Variants in RILPL1 observed in about 807,000 individuals in gnomAD.
RILPL1 encodes the protein Rab interacting lysosomal protein like 1.
RILPL1 carries 33 observed loss-of-function variants against 50.3 expected under a neutral mutation model. The observed-to-expected ratio is 0.66, with a 90% CI of 0.50 to 0.88. RILPL1 has a LOEUF of 0.88. RILPL1 is among the 40% of genes least tolerant of loss of function. RILPL1 has a pLI of 0.00. For missense variants in RILPL1, 418 were observed against 542.5 expected (o/e 0.77, Z 2.28); for synonymous variants, 205 against 228.6 (o/e 0.90, Z 0.93).
chr12:123,494,278 C>T (rs1882891294), intron 4 of RILPL1, among the ~76,000 whole-genome samples: 1 of 152,224 alleles, frequency 6.6e-6, no homozygotes, highest in South Asian at 2.1e-4. Flanking sequence ...CTGCAGCTCC[C>T]CTGTGTGACT....
At chr12:123,502,545 G>A (rs1272777378) in intron 2 of RILPL1, among the ~76,000 whole-genome samples, 4 of 152,230 alleles carry the variant, frequency 2.6e-5, no homozygotes, top group African/African-American at 4.8e-5. Flanking sequence ...CTGGCACACC[G>A]CAGGCGGGTG....
At chr12:123,505,965 A>G (rs149572391) in intron 2 of RILPL1, among the ~76,000 whole-genome samples, 225 of 152,306 alleles carry the variant, frequency 1.5e-3, no homozygotes, top group Middle Eastern at 3.4e-3. Context: ...CATGACACCG[A>G]ACTAGTCATG....
At chr12:123,510,281 G>A (rs1415048673) in intron 2 of RILPL1, among the ~76,000 whole-genome samples, 2 of 152,190 alleles carry the variant, frequency 1.3e-5, no homozygotes, top group African/African-American at 4.8e-5. Flanking sequence ...CACTGCTGCA[G>A]AGCAGTGCTG....
rs1327585508 is a variant in RILPL1, at chr12:123,489,063, A to C, written c.802-3258T>G. ...GTGACGGATATGCGGCCGGCATTCA[A>C]TCGCGCCAGTTCTCCTCTTTCCCTG... On this transcript the variant is annotated intron_variant, in intron 4 of 6. Transcript: ENST00000376874. This position sits in a 1 kb window ranked among gnomAD's most constrained non-coding sequence, Gnocchi z 4.0. Among the ~76,000 whole-genome samples, 1 of 152,152 alleles carries C rather than the reference A, an allele frequency of 6.6e-6. No individual in the cohort carries two copies. The highest frequency in any genetic ancestry group is 1.9e-4 in the East Asian group (1 of 5,196).
In RILPL1 at chr12:123,485,369, G is replaced by A. The variant is rs563771766; in HGVS notation, c.974+264C>T. The stretch of plus-strand genomic sequence containing the variant: ...TCGCTTTGTTGCCCAGGCTAGTCTC[G>A]AATGCCTGGGATCAAGCAATCTTCC... On this transcript the variant is annotated intron_variant, in intron 5 of 6. Coordinates refer to ENST00000376874, the MANE Select transcript of RILPL1 (RefSeq NM_178314.5). This position sits in a 1 kb window ranked among gnomAD's most constrained non-coding sequence, Gnocchi z 4.0. 4.1e-5 allele frequency: 22 copies of A among 538,804 alleles called. No homozygotes were observed. The highest frequency in any genetic ancestry group is 5.6e-5 in the Admixed American group (2 of 35,760). 33.4% of individuals were successfully genotyped at this position (538,804 alleles called of 1,614,324 possible).
chr12:123,531,098 C>A (rs569897050), intron 1 of RILPL1, among the ~76,000 whole-genome samples: 1 of 146,644 alleles, frequency 6.8e-6, no homozygotes, highest in South Asian at 2.2e-4. Flanking sequence ...CCTTGAAGAG[C>A]CTTTGAGACT....
intron 2 of RILPL1, among the ~76,000 whole-genome samples, chr12:123,501,812 A>G (rs541436009): frequency 6.6e-6 from 1 of 151,572 alleles, no homozygotes; most frequent in African/African-American, 2.4e-5. Flanking sequence ...AAAACAAAAC[A>G]AAAACTGTAA....
intron 4 of RILPL1, among the ~76,000 whole-genome samples, chr12:123,495,871 G>A (rs991856006): frequency 6.6e-6 from 1 of 150,882 alleles, no homozygotes; most frequent in African/African-American, 2.4e-5. Context: ...AGTAGAGACG[G>A]GGTTTCGCCA....
chr12:123,492,522 A>G (rs530621566), intron 4 of RILPL1, among the ~76,000 whole-genome samples: 1 of 152,320 alleles, frequency 6.6e-6, no homozygotes, highest in South Asian at 2.1e-4. Flanking sequence ...GCTGAAGTGC[A>G]TGGCATATGA....
At chr12:123,518,497 G>A in intron 2 of RILPL1, 1 of 143,428 alleles carries the variant, frequency 7.0e-6, no homozygotes, top group Admixed American at 7.7e-5. Context: ...ACAGAGACCT[G>A]TCCAAAAAAA....
chr12:123,518,997 C>T (rs577007119), intron 2 of RILPL1, among the ~76,000 whole-genome samples: 84 of 134,442 alleles, frequency 6.2e-4, no homozygotes, highest in Admixed American at 1.2e-3. Flanking sequence ...GTGGAGGTTG[C>T]AGTGAGCCGA....
intron 1 of RILPL1, among the ~76,000 whole-genome samples, chr12:123,527,328 C>CT (rs71308020): frequency 0.55 from 80,465 of 146,504 alleles, 23,693 homozygotes; most frequent in East Asian, 0.89. Flanking sequence ...AAGACCCCAA[C>CT]TTTTTTTTTT....
At chr12:123,507,585 T>C (rs1221041828) in intron 2 of RILPL1, among the ~76,000 whole-genome samples, 3 of 147,374 alleles carry the variant, frequency 2.0e-5, no homozygotes, top group Admixed American at 6.8e-5. Context: ...AAAAGATGTA[T>C]GTGTGTATGT....
At position 123,523,612 on chromosome 12, in the gene RILPL1, C is replaced by G; in HGVS notation, c.343G>C (p.Glu115Gln). 3.7e-6 allele frequency: 6 copies of G among 1,613,846 alleles called. No homozygotes were observed. The highest frequency in any genetic ancestry group is 5.1e-6 in the Non-Finnish European group (6 of 1,179,866). The part of the protein sequence containing the change: ...LELVEDVWRG[E>Q]AQDLLSQIAQ... ...ATCTGGGAGAGGAGGTCCTGCGCCT[C>G]CCCTCGCCACACATCCTCCACCAGC... The change falls in exon 2 of 7, where the codon GAG (glutamate) becomes CAG (glutamine). Residue 115 changes from glutamate to glutamine, a missense_variant. Physicochemically the swap from Glu to Gln is conservative, Grantham distance 29. Coordinates refer to ENST00000376874, the MANE Select transcript of RILPL1 (RefSeq NM_178314.5).
chr12:123,474,359 T>C (rs1416741389), intron 6 of RILPL1: 1 of 152,236 alleles, frequency 6.6e-6, no homozygotes, highest in Non-Finnish European at 1.5e-5. Context: ...CAAGTTCTAC[T>C]CTTTTTTTTT....
chr12:123,499,336 G>A, intron 3 of RILPL1, 82 bp downstream of exon 3: 1 of 896,624 alleles, frequency 1.1e-6, no homozygotes, highest in Admixed American at 1.9e-5. Flanking sequence ...GGAGAGAAGG[G>A]GCCTGCTGAG....
intron 6 of RILPL1, among the ~76,000 whole-genome samples, chr12:123,479,978 A>G (rs753571465): frequency 3.9e-5 from 6 of 152,180 alleles, no homozygotes; most frequent in Non-Finnish European, 7.3e-5. Context: ...ATTTCACCCA[A>G]TACGAAATTT....
At chr12:123,505,297 G>T (rs1048544555) in intron 2 of RILPL1, among the ~76,000 whole-genome samples, 1 of 152,132 alleles carries the variant, frequency 6.6e-6, no homozygotes. Flanking sequence ...CTCCCAAAGT[G>T]CTGGGATTAC....
In RILPL1 at chr12:123,533,710, G is replaced by A. The variant is rs1034388430; in HGVS notation, c.-228C>T. On this transcript the variant is annotated 5_prime_UTR_variant, in exon 1 of 7. Transcript: ENST00000376874. This position sits in a 1 kb window ranked among gnomAD's most constrained non-coding sequence, Gnocchi z 6.2. ...TGGGCGCCCGGCTCGGCCCGGAGCT[G>A]CTCCCGAGTGGGCGGCGGCGGCGGC... 5.9e-6 allele frequency: 1 copy of A among 169,820 alleles called. No homozygotes were observed. The highest frequency in any genetic ancestry group is 1.2e-5 in the Non-Finnish European group (1 of 85,894). The allele number at this position is 169,820 out of a possible 1,614,324, so 10.5% of individuals were successfully genotyped here. A position where few individuals can be genotyped will look rare whatever the true frequency, so the allele number is the denominator to read the frequency against.
Sources: gnomAD v4.1 joint callset for allele counts (sites outside exome capture counted in the v4.1 genomes callset) on GRCh38, gnomAD v4.1.1 for gene constraint, Gnocchi (gnomAD v3.1) non-coding constraint, MANE v1.5 for transcripts, NCBI Gene and HGNC (gene_info 2026-07-23, HGNC 2026-07-21) for gene names.